The following ANKS1B variants were observed in gnomAD, a reference collection of about 807,000 sequenced individuals.
The protein encoded by ANKS1B is ankyrin repeat and sterile alpha motif domain containing 1B, also known as ankyrin repeat and sterile alpha motif domain-containing protein 1B.
In ANKS1B, 36 loss-of-function variants were observed where a neutral mutation model predicts 148.3. The observed-to-expected ratio is 0.24, with a 90% CI of 0.19 to 0.32. The LOEUF (loss-of-function observed/expected upper bound fraction) is 0.32. Among genes scored for constraint, ANKS1B ranks in the 10% least tolerant of loss-of-function variants. The pLI is 1.00. For synonymous variants in ANKS1B, 542 were observed against 560.8 expected (o/e 0.97, Z 0.47); for missense variants, 1,157 against 1,542.6 (o/e 0.75, Z 4.19).
intron 1 of ANKS1B, among the ~76,000 whole-genome samples, chr12:99,933,532 C>T (rs1240050973): frequency 6.6e-6 from 1 of 151,656 alleles, no homozygotes; most frequent in Non-Finnish European, 1.5e-5. Context: ...TTCTTGATTT[C>T]TTTTTAAGAC....
chr12:98,782,191 T>C (rs927511958), intron 22 of ANKS1B, 54 bp from the exon 23 acceptor site: 6 of 1,473,982 alleles, frequency 4.1e-6, no homozygotes, highest in Non-Finnish European at 5.6e-6. Context: ...AGAAAACATA[T>C]AAAAGGTGAG....
intron 10 of ANKS1B, among the ~76,000 whole-genome samples, chr12:99,455,488 CTT>C (rs1039502884): frequency 6.6e-6 from 1 of 152,198 alleles, no homozygotes; most frequent in Admixed American, 6.5e-5. Flanking sequence ...AGTCAGCTTG[CTT>C]TCTCAGCAGG....
intron 19 of ANKS1B, among the ~76,000 whole-genome samples, chr12:98,821,251 C>T (rs2099187600): frequency 6.6e-6 from 1 of 152,194 alleles, no homozygotes; most frequent in Non-Finnish European, 1.5e-5. Context: ...AAAATGAAAT[C>T]AATACTCATC....
At chr12:99,364,510 T>C (rs1354921200) in intron 12 of ANKS1B, among the ~76,000 whole-genome samples, 1 of 152,170 alleles carries the variant, frequency 6.6e-6, no homozygotes, top group African/African-American at 2.4e-5. Flanking sequence ...ACACAGACCA[T>C]TTTGTACCTG....
rs77579769 is a variant in ANKS1B, at chr12:99,253,955, T to C, written c.1757-7091A>G. On this transcript the variant is annotated intron_variant, in intron 12 of 26. Transcript: ENST00000683438. ...AGGAATATCAGAAATATCAGAGAAA[T>C]CCAATTTGTGGGCCATTCTACAAAA... 2.1e-3 allele frequency among the ~76,000 whole-genome samples: 319 copies of C among 152,234 alleles called. 9 individuals carry two copies. The East Asian group carries it at 0.046, about 22-fold the overall frequency.
chr12:99,733,167 C>A lies in ANKS1B; in HGVS notation c.1128+39755G>T, dbSNP rs546227628. 3.3e-5 allele frequency among the ~76,000 whole-genome samples: 5 copies of A among 152,204 alleles called. No homozygotes were observed. The East Asian group carries it at 7.7e-4, about 24-fold the overall frequency. On this transcript the variant is annotated intron_variant, in intron 8 of 26. Coordinates refer to ENST00000683438, the MANE Select transcript of ANKS1B (RefSeq NM_001352186.2). ...CCCACTGCCTTTATGCTTGGCCATG[C>A]GACTTGCCTTGGCCAATGGAATATG...
At chr12:99,834,950 G>A (rs2084599212) in intron 1 of ANKS1B, among the ~76,000 whole-genome samples, 1 of 152,152 alleles carries the variant, frequency 6.6e-6, no homozygotes, top group Admixed American at 6.6e-5. Context: ...CTCAATCTGT[G>A]TCTTAATAGT....
intron 17 of ANKS1B, among the ~76,000 whole-genome samples, chr12:98,987,658 T>C (rs2099924248): frequency 6.6e-6 from 1 of 152,050 alleles, no homozygotes; most frequent in Non-Finnish European, 1.5e-5. Context: ...CAGCATCATA[T>C]CCCTGGATTA....
intron 12 of ANKS1B, among the ~76,000 whole-genome samples, chr12:99,375,249 T>A (rs371627188): frequency 6.6e-6 from 1 of 152,176 alleles, no homozygotes; most frequent in Non-Finnish European, 1.5e-5. Flanking sequence ...CTGGTCTGTA[T>A]CCCTAGATGC....
chr12:99,075,441 T>C (rs2047540025), intron 16 of ANKS1B, among the ~76,000 whole-genome samples: 1 of 152,186 alleles, frequency 6.6e-6, no homozygotes, highest in Non-Finnish European at 1.5e-5. Context: ...TTTAACAGTG[T>C]TAAACCACTG....
At chr12:99,372,949 A>G (rs2093219389) in intron 12 of ANKS1B, among the ~76,000 whole-genome samples, 1 of 152,102 alleles carries the variant, frequency 6.6e-6, no homozygotes, top group African/African-American at 2.4e-5. Flanking sequence ...TTCTGGAATG[A>G]TATTGGAATT....
chr12:99,582,850 A>G (rs979020537), intron 9 of ANKS1B, among the ~76,000 whole-genome samples: 4 of 152,300 alleles, frequency 2.6e-5, no homozygotes, highest in Admixed American at 6.5e-5. Context: ...AAAAAAAATC[A>G]AAAGTATCAG....
intron 14 of ANKS1B, among the ~76,000 whole-genome samples, chr12:99,185,894 T>G (rs111751158): frequency 0.077 from 11,737 of 151,946 alleles, 1,044 homozygotes; most frequent in African/African-American, 0.22. Flanking sequence ...GAGACAGAAC[T>G]GTTCACTCCC....
chr12:99,283,811 A>G (rs1411977630), intron 12 of ANKS1B, among the ~76,000 whole-genome samples: 3 of 152,222 alleles, frequency 2.0e-5, no homozygotes, highest in Non-Finnish European at 4.4e-5. Context: ...TAGGAAGACT[A>G]AAGAAAATGT....
At chr12:99,099,198 G>A (rs922427135) in intron 15 of ANKS1B, among the ~76,000 whole-genome samples, 2 of 152,326 alleles carry the variant, frequency 1.3e-5, no homozygotes, top group South Asian at 2.1e-4. Flanking sequence ...GCCGAGCATG[G>A]CATCGCCCAT....
intron 8 of ANKS1B, 108 bp from the exon 9 acceptor site, chr12:99,655,318 A>G (rs970835936): frequency 3.9e-6 from 4 of 1,018,298 alleles, no homozygotes; most frequent in Admixed American, 2.6e-5. Context: ...CAAACAAGTC[A>G]GCTCACTTTT....
At chr12:99,467,031 A>G (rs971357971) in intron 10 of ANKS1B, among the ~76,000 whole-genome samples, 25 of 152,248 alleles carry the variant, frequency 1.6e-4, no homozygotes, top group African/African-American at 6.0e-4. Flanking sequence ...ACTGATGCAA[A>G]AATCCTCAAT....
At chr12:99,483,110 C>T (rs1244147544) in intron 10 of ANKS1B, among the ~76,000 whole-genome samples, 1 of 151,266 alleles carries the variant, frequency 6.6e-6, no homozygotes, top group Non-Finnish European at 1.5e-5. Context: ...AACTTTTTCC[C>T]ATTCCATATG....
chr12:99,743,518 G>C (rs1362925710), intron 8 of ANKS1B, among the ~76,000 whole-genome samples: 4 of 152,146 alleles, frequency 2.6e-5, no homozygotes, highest in Admixed American at 6.5e-5. Context: ...ATCTTTTAAG[G>C]ATAGAGAGGA....
Sources: allele counts gnomAD v4.1 joint callset (sites outside exome capture counted in the v4.1 genomes callset), GRCh38; gene constraint gnomAD v4.1.1; transcripts MANE v1.5; gene names NCBI Gene and HGNC (gene_info 2026-07-23, HGNC 2026-07-21).